Variants in CCT6B observed in about 807,000 individuals in gnomAD.
CCT6B encodes the protein chaperonin containing TCP1 subunit 6B, also known as probable T-complex protein 1 subunit zeta-2.
CCT6B carries 49 observed loss-of-function variants against 61.5 expected under a neutral mutation model. That is an observed-to-expected ratio of 0.80 (90% CI 0.63 to 1.01). The LOEUF is 1.01. Ranked by LOEUF, CCT6B falls within the 50% of genes least tolerant of loss-of-function variation. The pLI, the probability that CCT6B is intolerant of heterozygous loss-of-function variation, is 0.00. For synonymous variants in CCT6B, 228 were observed against 214.5 expected, an observed-to-expected ratio of 1.06 and a Z score of -0.55; for missense variants, 666 against 634.7, an observed-to-expected ratio of 1.05 and a Z score of -0.53.
At chr17:34,934,404 C>A (rs1269974256) in intron 10 of CCT6B, among the ~76,000 whole-genome samples, 1 of 152,158 alleles carries the variant, frequency 6.6e-6, no homozygotes, top group Non-Finnish European at 1.5e-5. Context: ...CATACCATTT[C>A]TTTTCCAACT....
chr17:34,953,469 A>G (rs888135460), intron 4 of CCT6B, among the ~76,000 whole-genome samples: 3 of 151,666 alleles, frequency 2.0e-5, no homozygotes, highest in Non-Finnish European at 4.4e-5. Context: ...AGCTGGGATT[A>G]CAGGTGCCTG....
At position 34,949,293 on chromosome 17, in the gene CCT6B, T is replaced by C. The variant is rs570485453; in HGVS notation, c.614+2657A>G. ...CAACATGGAGAAACCCCATCTCTAC[T>C]AAAAAAAAAATACAAAATTAGCTGG... On this transcript the variant is annotated intron_variant, in intron 5 of 13. Transcript: ENST00000314144. 2.4e-3 allele frequency among the ~76,000 whole-genome samples: 346 copies of C among 147,172 alleles called. 4 individuals carry two copies. Among genetic ancestry groups the C allele is most frequent in the African/African-American group, 8.3e-3 (334 of 40,274 alleles).
In CCT6B at chr17:34,961,300, C is replaced by G. The variant is rs781460240; in HGVS notation, c.94G>C (p.Asp32His). ...VNICAARGLQ[D>H]VLRTNLGPKG... ...GGACCCAAGTTGGTCCGCAGCACAT[C>G]CTGCAGCCCTCGGGCGGCGCATATA... is the stretch of plus-strand genomic sequence containing the variant. The change falls in exon 1 of 14, where the codon GAT becomes CAT. Residue 32 changes from aspartate to histidine, a missense_variant. Physicochemically the swap from Asp to His is moderately conservative, Grantham distance 81. Coordinates refer to ENST00000314144, the MANE Select transcript of CCT6B (RefSeq NM_006584.4). The G allele has an allele frequency of 6.2e-7, 1 of 1,613,150 alleles. No homozygotes were observed. Among genetic ancestry groups the G allele is most frequent in the East Asian group, 2.2e-5 (1 of 44,878 alleles).
At chr17:34,952,792 A>G (rs1396349744) in intron 4 of CCT6B, among the ~76,000 whole-genome samples, 2 of 152,248 alleles carry the variant, frequency 1.3e-5, no homozygotes, top group African/African-American at 4.8e-5. Flanking sequence ...ATAAAGCAGA[A>G]AAAACTGTAT....
chr17:34,931,389 T>C (rs1175265221), intron 11 of CCT6B, among the ~76,000 whole-genome samples: 1 of 152,200 alleles, frequency 6.6e-6, no homozygotes, highest in African/African-American at 2.4e-5. Context: ...ATGATATTCT[T>C]GTTTCCTCTA....
intron 11 of CCT6B, among the ~76,000 whole-genome samples, 173 bp from the exon 12 acceptor site, chr17:34,931,224 G>A (rs987043728): frequency 1.3e-5 from 2 of 151,724 alleles, no homozygotes; most frequent in African/African-American, 4.8e-5. Context: ...CATCTATCTA[G>A]TAGTTTTTAT....
intron 10 of CCT6B, among the ~76,000 whole-genome samples, chr17:34,937,599 C>T (rs2090109331): frequency 6.6e-6 from 1 of 152,044 alleles, no homozygotes. Flanking sequence ...AAATGTAAAA[C>T]ATAAGACTGT....
In CCT6B at chr17:34,932,357, G is replaced by T. The variant is rs777140128; in HGVS notation, c.1347+10C>A. The T allele has an allele frequency of 7.5e-6, 12 of 1,599,128 alleles. No individual in the cohort carries two copies. In the South Asian group the frequency reaches 1.4e-4, roughly 18 times the overall value. On this transcript the variant is annotated intron_variant, in intron 11 of 13. Coordinates refer to ENST00000314144, the MANE Select transcript of CCT6B (RefSeq NM_006584.4). ...AAGCAGTTGTTATTTGGCCGAAAGG[G>T]TAGTTGTACCTTGGGAATAATGAGT...
At chr17:34,959,357 C>T (rs2090385754) in intron 2 of CCT6B, among the ~76,000 whole-genome samples, 1 of 149,774 alleles carries the variant, frequency 6.7e-6, no homozygotes, top group African/African-American at 2.5e-5. Flanking sequence ...TCTTGAACTC[C>T]TGGGCTCAAG....
rs1299192259 is a variant in CCT6B at position 34,961,309 on chromosome 17, C to G, written c.85G>C (p.Gly29Arg). The G allele has an allele frequency of 2.5e-6, 4 of 1,613,100 alleles. No individual in the cohort carries two copies. Among genetic ancestry groups the G allele is most frequent in the Admixed American group, 3.3e-5 (2 of 59,952 alleles). Reference protein sequence around the residue: ...ALAVNICAARGLQDVLRTNLG... With the variant: ...ALAVNICAARRLQDVLRTNLG... ...TTGGTCCGCAGCACATCCTGCAGCC[C>G]TCGGGCGGCGCATATATTGACAGCC... The change falls in exon 1 of 14, where the codon GGG becomes CGG. Residue 29 changes from glycine to arginine, a missense_variant. Physicochemically the swap from Gly to Arg is moderately radical, Grantham distance 125. Coordinates refer to ENST00000314144, the MANE Select transcript of CCT6B (RefSeq NM_006584.4).
rs548614473 is a variant in CCT6B, at chr17:34,948,299, C to G, written c.614+3651G>C. Among the ~76,000 whole-genome samples, 6 of 152,114 alleles carry G rather than the reference C, an allele frequency of 3.9e-5. No individual in the cohort carries two copies. The East Asian group carries it at 1.2e-3, about 29-fold the overall frequency. The stretch of plus-strand genomic sequence containing the variant: ...TATTAAATATAAAGGATTAAATGCT[C>G]CTGTTAATAAAGAGTATCAGATTTA... On this transcript the variant is annotated intron_variant, in intron 5 of 13. Coordinates refer to ENST00000314144, the MANE Select transcript of CCT6B (RefSeq NM_006584.4).
chr17:34,927,952 T>C lies in CCT6B; in HGVS notation c.*96A>G. 2.6e-6 allele frequency: 2 copies of C among 761,358 alleles called. No homozygotes were observed. The highest frequency in any genetic ancestry group is 4.2e-6 in the Non-Finnish European group (2 of 474,280). 47.2% of individuals were successfully genotyped at this position (761,358 alleles called of 1,614,324 possible). ...CAAAAGACATAAACTGCATTTATTGTGTAGAAATTCAGAATGGCTCAGGCT... is the reference window on the plus strand; with the variant it reads ...CAAAAGACATAAACTGCATTTATTGCGTAGAAATTCAGAATGGCTCAGGCT... On this transcript the variant is annotated 3_prime_UTR_variant, in exon 14 of 14. Transcript: ENST00000314144.
chr17:34,934,285 A>G (rs2090070629), intron 10 of CCT6B, among the ~76,000 whole-genome samples: 1 of 152,192 alleles, frequency 6.6e-6, no homozygotes, highest in Admixed American at 6.5e-5. Flanking sequence ...TACAGATATT[A>G]AAAAGAATAA....
chr17:34,941,886 A>C (rs1251097152), intron 7 of CCT6B, among the ~76,000 whole-genome samples: 1 of 152,098 alleles, frequency 6.6e-6, no homozygotes, highest in Non-Finnish European at 1.5e-5. Context: ...AAAAACTTAA[A>C]AATTAGCCAG....
chr17:34,932,985 T>C (rs1454613394), intron 10 of CCT6B, among the ~76,000 whole-genome samples: 1 of 152,182 alleles, frequency 6.6e-6, no homozygotes, highest in Non-Finnish European at 1.5e-5. Context: ...TTTCACCACG[T>C]TGGCCAGGCT....
intron 5 of CCT6B, chr17:34,944,203 T>C (rs1262915594): frequency 6.6e-6 from 1 of 152,190 alleles, no homozygotes; most frequent in Non-Finnish European, 1.5e-5. Flanking sequence ...GCAAATGACA[T>C]TGTTTCTTTG....
intron 12 of CCT6B, among the ~76,000 whole-genome samples, chr17:34,929,948 C>A (rs941464521): frequency 6.6e-6 from 1 of 152,266 alleles, no homozygotes; most frequent in Non-Finnish European, 1.5e-5. Context: ...GTCCTCTCAC[C>A]CACAACCTGC....
At chr17:34,946,741 A>G (rs936473054) in intron 5 of CCT6B, among the ~76,000 whole-genome samples, 1 of 152,246 alleles carries the variant, frequency 6.6e-6, no homozygotes, top group Non-Finnish European at 1.5e-5. Context: ...CCAATCTACT[A>G]ATCACACAAA....
At chr17:34,941,811 G>A (rs79824562) in intron 7 of CCT6B, among the ~76,000 whole-genome samples, 2 of 152,150 alleles carry the variant, frequency 1.3e-5, no homozygotes, top group African/African-American at 4.8e-5. Flanking sequence ...AACACTTTGG[G>A]AGGCCAAGCC....
Sources: allele counts gnomAD v4.1 joint callset (sites outside exome capture counted in the v4.1 genomes callset), GRCh38; gene constraint gnomAD v4.1.1; transcripts MANE v1.5; gene names NCBI Gene and HGNC (gene_info 2026-07-23, HGNC 2026-07-21).